Variants in RIN2 observed in about 807,000 individuals in gnomAD.
RIN2 encodes RAB5 interacting protein 2.
RIN2 carries 36 observed loss-of-function variants against 78.0 expected under a neutral mutation model. The ratio of observed to expected loss-of-function variants is 0.46; its 90% CI spans 0.35 to 0.61. The LOEUF (loss-of-function observed/expected upper bound fraction) is 0.61, where lower values mean the gene tolerates loss of function less well. Among genes scored for constraint, RIN2 ranks in the 20% least tolerant of loss-of-function variants. RIN2 has a pLI of 0.00. For synonymous variants in RIN2, 466 were observed against 466.8 expected, an observed-to-expected ratio of 1.00 and a Z score of 0.02; for missense variants, 1,087 against 1,159.7, an observed-to-expected ratio of 0.94 and a Z score of 0.91.
At chr20:19,800,154 A>G (rs2035194765) in intron 2 of RIN2, among the ~76,000 whole-genome samples, 1 of 152,204 alleles carries the variant, frequency 6.6e-6, no homozygotes, top group Non-Finnish European at 1.5e-5. Context: ...ACCTGGCAAT[A>G]ACTGAAAGAG....
intron 6 of RIN2, among the ~76,000 whole-genome samples, chr20:19,962,049 C>A (rs2041769956): frequency 6.6e-6 from 1 of 151,876 alleles, no homozygotes; most frequent in Admixed American, 6.6e-5. Context: ...ACCTGTAATC[C>A]TAGCACTTTG....
At chr20:19,927,309 A>G (rs547424278) in intron 3 of RIN2, among the ~76,000 whole-genome samples, 1 of 152,256 alleles carries the variant, frequency 6.6e-6, no homozygotes, top group South Asian at 2.1e-4. Flanking sequence ...GTGCAGTGGC[A>G]CCGTCATGGC....
intron 2 of RIN2, among the ~76,000 whole-genome samples, chr20:19,841,924 A>G (rs988578371): frequency 3.3e-5 from 5 of 152,238 alleles, no homozygotes; most frequent in African/African-American, 1.2e-4. Context: ...ACTACACTAA[A>G]CAACAGATTT....
At chr20:19,840,765 T>C (rs980877352) in intron 2 of RIN2, among the ~76,000 whole-genome samples, 5 of 152,214 alleles carry the variant, frequency 3.3e-5, no homozygotes, top group African/African-American at 1.2e-4. Flanking sequence ...TTTTCATGCA[T>C]GTTCCACAAG....
chr20:19,766,792 G>A (rs547848212), intron 1 of RIN2, among the ~76,000 whole-genome samples: 6 of 151,968 alleles, frequency 3.9e-5, no homozygotes, highest in East Asian at 1.9e-4. Flanking sequence ...GTTGTGGCAC[G>A]CACCTGCTAC....
chr20:19,980,072 C>G (rs1276945812), intron 9 of RIN2, among the ~76,000 whole-genome samples: 2 of 134,386 alleles, frequency 1.5e-5, no homozygotes, highest in South Asian at 2.6e-4. Context: ...AAAAACTCTT[C>G]TGAGAGGTGT....
chr20:19,940,307 C>A (rs2040814767), intron 4 of RIN2, among the ~76,000 whole-genome samples: 1 of 152,174 alleles, frequency 6.6e-6, no homozygotes, highest in African/African-American at 2.4e-5. Flanking sequence ...GGAAAGGTGC[C>A]AAGCCCCTTA....
intron 2 of RIN2, among the ~76,000 whole-genome samples, chr20:19,880,237 T>G (rs1232844640): frequency 7.4e-6 from 1 of 135,714 alleles, no homozygotes. Context: ...GGCAACAGAG[T>G]GAGACTCTGT....
rs553745584 is a variant in RIN2 at position 19,956,455 on chromosome 20, C to T, written c.159-160C>T. Among the ~76,000 whole-genome samples the T allele has an allele frequency of 3.9e-5, 6 of 152,100 alleles. No individual in the cohort carries two copies. In the South Asian group the frequency reaches 1.2e-3, roughly 32 times the overall value. ...GGTAAAATAAAACATTGTGTCTGCC[C>T]TCAGAAAGCTTTCAGTCTGGAAGAG... On this transcript the variant is annotated intron_variant, in intron 4 of 12. Transcript: ENST00000255006.
At chr20:19,808,975 C>A (rs1330330035) in intron 2 of RIN2, among the ~76,000 whole-genome samples, 1 of 152,214 alleles carries the variant, frequency 6.6e-6, no homozygotes, top group Non-Finnish European at 1.5e-5. Flanking sequence ...AGTCAGCACC[C>A]CAGGCTGGTG....
chr20:19,811,207 G>A (rs1286562786), intron 2 of RIN2, among the ~76,000 whole-genome samples: 1 of 152,030 alleles, frequency 6.6e-6, no homozygotes, highest in African/African-American at 2.4e-5. Context: ...GAGGGGTAGG[G>A]AAATGGGAGA....
intron 2 of RIN2, among the ~76,000 whole-genome samples, chr20:19,871,291 G>A (rs1051342995): frequency 3.9e-5 from 6 of 152,070 alleles, no homozygotes; most frequent in Admixed American, 6.6e-5. Flanking sequence ...TGATACTCTC[G>A]CCAGGTAGGT....
intron 4 of RIN2, among the ~76,000 whole-genome samples, chr20:19,946,124 C>T (rs1275182504): frequency 6.6e-6 from 1 of 152,146 alleles, no homozygotes; most frequent in East Asian, 1.9e-4. Context: ...CTAAAGCAGA[C>T]CTTTTATTAA....
At chr20:19,965,224 T>C (rs1245045408) in intron 7 of RIN2, among the ~76,000 whole-genome samples, 200 bp downstream of exon 7, 2 of 152,148 alleles carry the variant, frequency 1.3e-5, no homozygotes, top group Non-Finnish European at 2.9e-5. Flanking sequence ...TCAAAACGAC[T>C]ATCCCAACCC....
At chr20:19,864,089 A>C (rs2037426360) in intron 2 of RIN2, among the ~76,000 whole-genome samples, 1 of 152,050 alleles carries the variant, frequency 6.6e-6, no homozygotes, top group Admixed American at 6.6e-5. Flanking sequence ...TATACGATGG[A>C]TATCCATGGT....
chr20:19,767,831 A>G (rs2122368681), intron 1 of RIN2, among the ~76,000 whole-genome samples: 1 of 151,544 alleles, frequency 6.6e-6, no homozygotes, highest in East Asian at 2.0e-4. Context: ...AGGCTGAGGT[A>G]GGAGAATCAC....
chr20:19,813,213 T>A (rs913619482), intron 2 of RIN2, among the ~76,000 whole-genome samples: 1 of 152,230 alleles, frequency 6.6e-6, no homozygotes, highest in Non-Finnish European at 1.5e-5. Context: ...ATGAATCAAC[T>A]GCGTGCCTGC....
intron 4 of RIN2, among the ~76,000 whole-genome samples, chr20:19,952,025 T>C (rs746865444): frequency 6.6e-5 from 10 of 152,242 alleles, no homozygotes; most frequent in Non-Finnish European, 1.3e-4. Context: ...CTTGTGCAAG[T>C]GATTCAGAAG....
chr20:19,954,609 G>A (rs1015922682), intron 4 of RIN2, among the ~76,000 whole-genome samples: 14 of 152,164 alleles, frequency 9.2e-5, no homozygotes, highest in Non-Finnish European at 1.5e-4. Context: ...CATGGTGCCT[G>A]TGGTCCAGGG....
Sources: gnomAD v4.1 joint callset for allele counts (sites outside exome capture counted in the v4.1 genomes callset) on GRCh38, gnomAD v4.1.1 for gene constraint, MANE v1.5 for transcripts, NCBI Gene and HGNC (gene_info 2026-07-23, HGNC 2026-07-21) for gene names.